The following HOOK1 variants were observed in gnomAD, a reference collection of about 807,000 sequenced individuals.
HOOK1 encodes protein Hook homolog 1.
A neutral mutation model predicts 112.8 loss-of-function variants in HOOK1; 60 were observed. The observed-to-expected ratio is 0.53, with a 90% CI of 0.43 to 0.66. The LOEUF (loss-of-function observed/expected upper bound fraction) is 0.66, where lower values mean the gene tolerates loss of function less well. Among genes scored for constraint, HOOK1 ranks in the 30% least tolerant of loss-of-function variants. HOOK1 has a pLI of 0.00. For missense variants in HOOK1, 770 were observed against 856.0 expected (o/e 0.90, Z 1.25); for synonymous variants, 294 against 283.8 (o/e 1.04, Z -0.36).
chr1:59,867,427 A>G (rs574661611), intron 19 of HOOK1, among the ~76,000 whole-genome samples: 2 of 152,306 alleles, frequency 1.3e-5, no homozygotes, highest in Admixed American at 6.5e-5. Context: ...AGGAGCCACA[A>G]TAGTATTTTG....
chr1:59,864,556 A>G (rs1643924157), intron 16 of HOOK1, 76 bp from the exon 17 acceptor site: 1 of 887,442 alleles, frequency 1.1e-6, no homozygotes, highest in South Asian at 1.4e-5. Context: ...AAAAGGAGGT[A>G]AAGAGATTTC....
intron 20 of HOOK1, among the ~76,000 whole-genome samples, chr1:59,870,554 AC>A (rs1386506054): frequency 2.0e-5 from 3 of 152,246 alleles, no homozygotes; most frequent in Non-Finnish European, 2.9e-5. Flanking sequence ...CTGTGATGGC[AC>A]ATAAATACGG....
chr1:59,836,974 T>A, intron 7 of HOOK1, 39 bp downstream of exon 7: 1 of 1,299,778 alleles, frequency 7.7e-7, no homozygotes, highest in Non-Finnish European at 1.1e-6. Flanking sequence ...TTGAAAGCAA[T>A]GTTAGGGTTT....
chr1:59,861,665 G>A (rs777892251), intron 15 of HOOK1, among the ~76,000 whole-genome samples: 3 of 152,162 alleles, frequency 2.0e-5, no homozygotes, highest in Non-Finnish European at 4.4e-5. Flanking sequence ...TATACACCTA[G>A]TAGTTCTGGA....
intron 8 of HOOK1, among the ~76,000 whole-genome samples, chr1:59,843,165 C>T (rs1010060697): frequency 6.6e-6 from 1 of 151,416 alleles, no homozygotes; most frequent in Non-Finnish European, 1.5e-5. Flanking sequence ...CATTTTCTTC[C>T]CCAAACAAAG....
At chr1:59,855,063 CAGAG>C (rs1029895164) in intron 12 of HOOK1, among the ~76,000 whole-genome samples, 6 of 152,184 alleles carry the variant, frequency 3.9e-5, no homozygotes, top group African/African-American at 1.4e-4. Flanking sequence ...TAGACTAACA[CAGAG>C]AGAGCTATTC....
intron 19 of HOOK1, among the ~76,000 whole-genome samples, chr1:59,867,983 TTTC>T (rs1340610606): frequency 6.6e-6 from 1 of 152,174 alleles, no homozygotes; most frequent in Non-Finnish European, 1.5e-5. Flanking sequence ...TAAATAACTA[TTTC>T]CATGTACTGA....
intron 7 of HOOK1, among the ~76,000 whole-genome samples, chr1:59,837,305 G>A (rs1299282323): frequency 1.3e-5 from 2 of 152,102 alleles, no homozygotes; most frequent in Non-Finnish European, 1.5e-5. Flanking sequence ...ATAGCTCAAA[G>A]GCCCTGTACT....
intron 9 of HOOK1, 47 bp from the exon 10 acceptor site, chr1:59,846,998 T>A: frequency 6.7e-7 from 1 of 1,481,616 alleles, no homozygotes; most frequent in Non-Finnish European, 9.1e-7. Flanking sequence ...TATATAATTA[T>A]AACAAATCAT....
intron 7 of HOOK1, among the ~76,000 whole-genome samples, chr1:59,837,917 TC>T (rs1340833941): frequency 1.3e-5 from 2 of 152,098 alleles, no homozygotes; most frequent in Non-Finnish European, 2.9e-5. Flanking sequence ...ATTGTTCAAC[TC>T]CCACTTATGA....
In HOOK1 at chr1:59,836,907, A is replaced by G; in HGVS notation, c.509A>G (p.Asn170Ser). ...MSKEILSSPP[N>S]DAVGELEQQL... ...AAAGAAATATTGAGCTCTCCTCCAAATGATGCTGTTGGAGAATTGGAGCAA... is the reference window on the plus strand; with the variant it reads ...AAAGAAATATTGAGCTCTCCTCCAAGTGATGCTGTTGGAGAATTGGAGCAA... Residue 170 changes from asparagine (N) to serine (S), a missense_variant, in exon 7 of 22, where the codon AAT becomes AGT. Physicochemically the swap from Asn to Ser is conservative, Grantham distance 46. Transcript: ENST00000371208. The G allele has an allele frequency of 6.3e-7, 1 of 1,596,708 alleles. No individual in the cohort carries two copies. Among genetic ancestry groups the G allele is most frequent in the Non-Finnish European group, 8.6e-7 (1 of 1,167,586 alleles).
At chr1:59,847,010 G>T in intron 9 of HOOK1, 35 bp from the exon 10 acceptor site, 1 of 1,527,892 alleles carries the variant, frequency 6.5e-7, no homozygotes, top group East Asian at 2.3e-5. Context: ...ACAAATCATG[G>T]AAGTTATAAA....
At position 59,858,885 on chromosome 1, in the gene HOOK1, G is replaced by A. The variant is rs532159822; in HGVS notation, c.1331-100G>A. On this transcript the variant is annotated intron_variant, in intron 13 of 21. Coordinates refer to ENST00000371208, the MANE Select transcript of HOOK1 (RefSeq NM_015888.6). The stretch of plus-strand genomic sequence containing the variant: ...TTTTTGGACAGAGAGAGACCCTATC[G>A]AAAGAAAGAAAAACAAAGAGAGGGA... 4.4e-5 allele frequency: 23 copies of A among 519,770 alleles called. No individual in the cohort carries two copies. The Admixed American group carries it at 4.9e-4, about 11-fold the overall frequency. The allele number at this position is 519,770 out of a possible 1,614,324, so 32.2% of individuals were successfully genotyped here.
chr1:59,824,744 G>C (rs1244194393), intron 2 of HOOK1, among the ~76,000 whole-genome samples: 2 of 152,088 alleles, frequency 1.3e-5, no homozygotes, highest in Non-Finnish European at 1.5e-5. Context: ...GTTATTGCTA[G>C]GGTTCTACAG....
chr1:59,847,959 C>G (rs1473445863), intron 10 of HOOK1, among the ~76,000 whole-genome samples: 1 of 151,690 alleles, frequency 6.6e-6, no homozygotes, highest in Non-Finnish European at 1.5e-5. Context: ...ATGTTGTACA[C>G]AAAGGAAGGT....
intron 12 of HOOK1, among the ~76,000 whole-genome samples, chr1:59,857,431 C>G (rs1286801702): frequency 6.6e-6 from 1 of 152,210 alleles, no homozygotes; most frequent in African/African-American, 2.4e-5. Context: ...TAAATGCTCA[C>G]CAGACTGTTG....
At chr1:59,847,664 T>C (rs1015577628) in intron 10 of HOOK1, among the ~76,000 whole-genome samples, 4 of 151,700 alleles carry the variant, frequency 2.6e-5, no homozygotes, top group Admixed American at 2.0e-4. Flanking sequence ...ATGTGAAATG[T>C]TACTCAGTGA....
At chr1:59,825,372 T>C (rs142991099) in intron 2 of HOOK1, among the ~76,000 whole-genome samples, 1 of 152,328 alleles carries the variant, frequency 6.6e-6, no homozygotes, top group East Asian at 1.9e-4. Flanking sequence ...ACTAAACTTT[T>C]TTTTTGTAAG....
rs1380830078 is a variant in HOOK1, at chr1:59,818,273, A to G, written c.63+3093A>G. Among the ~76,000 whole-genome samples, 9 of 152,224 alleles carry G rather than the reference A, an allele frequency of 5.9e-5. 1 individual carries two copies. Among genetic ancestry groups the G allele is most frequent in the Admixed American group, 5.9e-4 (9 of 15,282 alleles). ...GTTATGATGGGGCCAAATCATGGAGATAAGACAGTTGGGAATAACTCTTCT... is the reference window on the plus strand; with the variant it reads ...GTTATGATGGGGCCAAATCATGGAGGTAAGACAGTTGGGAATAACTCTTCT... On this transcript the variant is annotated intron_variant, in intron 1 of 21. Coordinates refer to ENST00000371208, the MANE Select transcript of HOOK1 (RefSeq NM_015888.6).
Sources: allele counts gnomAD v4.1 joint callset (sites outside exome capture counted in the v4.1 genomes callset), GRCh38; gene constraint gnomAD v4.1.1; transcripts MANE v1.5; gene names NCBI Gene and HGNC (gene_info 2026-07-23, HGNC 2026-07-21).